Variants in TIAM1 observed in about 807,000 individuals in gnomAD.
TIAM1 encodes TIAM Rac1 associated GEF 1.
A neutral mutation model predicts 163.5 loss-of-function variants in TIAM1; 65 were observed. That is an observed-to-expected ratio of 0.40 (90% CI 0.33 to 0.49). TIAM1 has a LOEUF of 0.49. Among genes scored for constraint, TIAM1 ranks in the 20% least tolerant of loss-of-function variants. TIAM1 has a pLI of 0.77. For synonymous variants in TIAM1, 833 were observed against 810.1 expected (o/e 1.03, Z -0.48); for missense variants, 1,789 against 2,044.7 (o/e 0.87, Z 2.41).
intron 1 of TIAM1, among the ~76,000 whole-genome samples, chr21:31,496,436 C>T (rs2147434606): frequency 7.1e-6 from 1 of 140,236 alleles, no homozygotes; most frequent in East Asian, 2.1e-4. Flanking sequence ...CATCACTGCA[C>T]TCCAGCCTGG....
intron 10 of TIAM1, among the ~76,000 whole-genome samples, chr21:31,210,789 A>AGAAG: frequency 7.1e-6 from 1 of 141,116 alleles, no homozygotes; most frequent in African/African-American, 3.1e-5. Context: ...AAAGAAAGAA[A>AGAAG]GAAAGAAAGA....
intron 2 of TIAM1, among the ~76,000 whole-genome samples, chr21:31,412,767 G>A (rs922396870): frequency 7.2e-6 from 1 of 138,718 alleles, no homozygotes; most frequent in Non-Finnish European, 1.5e-5. Flanking sequence ...GGGAAAGAGA[G>A]CAAGACTGTC....
At chr21:31,222,676 C>CAT (rs146567405) in intron 8 of TIAM1, among the ~76,000 whole-genome samples, 620 of 48,204 alleles carry the variant, frequency 0.013, 4 homozygotes, top group East Asian at 0.032. Context: ...TGTACACATA[C>CAT]ATATATATAT....
At chr21:31,164,650 C>T (rs1346239448) in intron 16 of TIAM1, among the ~76,000 whole-genome samples, 2 of 152,230 alleles carry the variant, frequency 1.3e-5, no homozygotes, top group Middle Eastern at 3.4e-3. Flanking sequence ...CTGTTTCATC[C>T]TACACAAATG....
intron 2 of TIAM1, among the ~76,000 whole-genome samples, chr21:31,445,678 G>C (rs1326277377): frequency 6.6e-6 from 1 of 152,148 alleles, no homozygotes; most frequent in Non-Finnish European, 1.5e-5. Flanking sequence ...AGGAGACCCA[G>C]GAGATCCCCA....
intron 2 of TIAM1, among the ~76,000 whole-genome samples, chr21:31,300,554 G>A (rs767827407): frequency 1.2e-4 from 19 of 152,156 alleles, no homozygotes; most frequent in South Asian, 2.1e-4. Context: ...AATGATAAAC[G>A]TCAAGGATAA....
chr21:31,381,823 C>G (rs905076547), intron 2 of TIAM1, among the ~76,000 whole-genome samples: 1 of 152,090 alleles, frequency 6.6e-6, no homozygotes, highest in African/African-American at 2.4e-5. Context: ...CAGAGTAAGA[C>G]CCTGTCTCAA....
At chr21:31,520,729 A>C (rs2047552049) in intron 1 of TIAM1, among the ~76,000 whole-genome samples, 1 of 152,254 alleles carries the variant, frequency 6.6e-6, no homozygotes, top group African/African-American at 2.4e-5. Context: ...AGTCAAAAGC[A>C]CTTCCCAGCC....
chr21:31,458,564 C>T (rs924142031), intron 2 of TIAM1, among the ~76,000 whole-genome samples: 12 of 152,274 alleles, frequency 7.9e-5, no homozygotes, highest in African/African-American at 2.6e-4. Context: ...AGACACTGTC[C>T]AACTGAAGAA....
At chr21:31,167,693 C>T (rs991504061) in intron 15 of TIAM1, among the ~76,000 whole-genome samples, 4 of 152,102 alleles carry the variant, frequency 2.6e-5, no homozygotes, top group Admixed American at 2.0e-4. Context: ...TTGTGCACTT[C>T]GTAGGTACAC....
intron 15 of TIAM1, among the ~76,000 whole-genome samples, chr21:31,182,148 TCCCCAAAATGAGAAA>T (rs2085062663): frequency 6.6e-6 from 1 of 151,930 alleles, no homozygotes; most frequent in Non-Finnish European, 1.5e-5. Flanking sequence ...TATTCACCTT[TCCCCAAAATGAGAAA>T]CAGCAGAAGC....
At chr21:31,429,586 G>C (rs569746873) in intron 2 of TIAM1, among the ~76,000 whole-genome samples, 46 of 152,294 alleles carry the variant, frequency 3.0e-4, no homozygotes, top group Non-Finnish European at 5.4e-4. Context: ...ACGGCAGGGA[G>C]TGAGTGGCAG....
intron 20 of TIAM1, among the ~76,000 whole-genome samples, chr21:31,142,097 T>C (rs1375528059): frequency 2.0e-5 from 3 of 151,980 alleles, no homozygotes; most frequent in Non-Finnish European, 4.4e-5. Flanking sequence ...TTGGCCACAT[T>C]TTCCCCTCGC....
intron 2 of TIAM1, among the ~76,000 whole-genome samples, chr21:31,415,301 A>G (rs2043333670): frequency 6.6e-6 from 1 of 152,256 alleles, no homozygotes; most frequent in African/African-American, 2.4e-5. Flanking sequence ...AATAATATTC[A>G]TAGCTGCCAA....
intron 2 of TIAM1, among the ~76,000 whole-genome samples, chr21:31,398,158 C>CAA (rs34895602): frequency 0.016 from 819 of 52,100 alleles, 13 homozygotes; most frequent in Middle Eastern, 0.038. Context: ...ATCTTCAGGG[C>CAA]AAAAAAAAAA....
chr21:31,182,423 G>T lies in TIAM1; in HGVS notation c.2885C>A (p.Pro962Gln). 1 of 1,566,772 alleles carries T rather than the reference G, an allele frequency of 6.4e-7. No individual in the cohort carries two copies. Reference protein sequence around the residue: ...ESPLAFLTSNPGHSLCSEQGS... With the variant: ...ESPLAFLTSNQGHSLCSEQGS... ...CCCAGCACCCTGCACAGCCATACCTGGGTTGCTGGTGAGAAAGGCGAGGGG... is the reference window on the plus strand; with the variant it reads ...CCCAGCACCCTGCACAGCCATACCTTGGTTGCTGGTGAGAAAGGCGAGGGG... Residue 962 changes from proline to glutamine, a missense_variant and splice_region_variant, in exon 15 of 28, where the codon CCA becomes CAA. Around this residue, in one of 5 missense-constraint regions of TIAM1, gnomAD observed 303 missense variants for 321.3 expected, o/e 0.94. Transcript: ENST00000541036.
chr21:31,448,450 A>G (rs933992348), intron 2 of TIAM1, among the ~76,000 whole-genome samples: 2 of 152,084 alleles, frequency 1.3e-5, no homozygotes, highest in African/African-American at 4.8e-5. Flanking sequence ...ATTAAAATAC[A>G]AAAGAATTAG....
chr21:31,202,388 C>T (rs369000567), intron 12 of TIAM1, among the ~76,000 whole-genome samples: 4 of 128,814 alleles, frequency 3.1e-5, no homozygotes, highest in Non-Finnish European at 3.5e-5. Flanking sequence ...CCTGTCTCTA[C>T]AAAAAAAAAA....
intron 2 of TIAM1, among the ~76,000 whole-genome samples, chr21:31,278,977 C>T (rs1052571332): frequency 2.0e-5 from 3 of 152,174 alleles, no homozygotes; most frequent in African/African-American, 7.2e-5. Flanking sequence ...CTGGATTCTT[C>T]CTGGCAAAGG....
Sources: allele counts gnomAD v4.1 joint callset (sites outside exome capture counted in the v4.1 genomes callset), GRCh38; gene constraint gnomAD v4.1.1; regional missense constraint gnomAD v4.1.1; transcripts MANE v1.5; gene names NCBI Gene and HGNC (gene_info 2026-07-23, HGNC 2026-07-21).